The following GRIA4 variants were observed in gnomAD, a reference collection of about 807,000 sequenced individuals.
GRIA4 encodes the protein glutamate receptor 4.
Under a neutral mutation model 104.0 loss-of-function variants are expected in GRIA4, and 34 were observed. The ratio of observed to expected loss-of-function variants is 0.33; its 90% CI spans 0.25 to 0.44. GRIA4 has a LOEUF of 0.44. GRIA4 is among the 20% of genes least tolerant of loss of function. The pLI, the probability that GRIA4 is intolerant of heterozygous loss-of-function variation, is 1.00. For synonymous variants in GRIA4, 386 were observed against 381.9 expected (o/e 1.01, Z -0.13); for missense variants, 750 against 1,096.5 (o/e 0.68, Z 4.46).
chr11:105,966,175 C>G, intron 14 of GRIA4: 1 of 688,798 alleles, frequency 1.5e-6, no homozygotes, highest in Non-Finnish European at 2.5e-6. Flanking sequence ...AGTCCAGTCC[C>G]TTCGCAAACT....
chr11:105,746,443 A>C (rs112121509), intron 3 of GRIA4, among the ~76,000 whole-genome samples: 1,571 of 152,024 alleles, frequency 0.01, 29 homozygotes, highest in African/African-American at 0.036. Context: ...TGCACAGAGT[A>C]TTATGGCAAA....
At chr11:105,633,792 C>T (rs1207130489) in intron 3 of GRIA4, among the ~76,000 whole-genome samples, 1 of 152,118 alleles carries the variant, frequency 6.6e-6, no homozygotes, top group Non-Finnish European at 1.5e-5. Context: ...TAAATGACAA[C>T]CAGTTTACTA....
intron 4 of GRIA4, among the ~76,000 whole-genome samples, chr11:105,792,900 G>A (rs1480901968): frequency 1.1e-5 from 1 of 87,812 alleles, no homozygotes; most frequent in Non-Finnish European, 2.2e-5. Flanking sequence ...GCCAACCAGA[G>A]TTTGTCCAAC....
intron 3 of GRIA4, among the ~76,000 whole-genome samples, chr11:105,683,718 T>C (rs1324813563): frequency 6.6e-6 from 1 of 152,194 alleles, no homozygotes; most frequent in African/African-American, 2.4e-5. Context: ...TAATACTCAA[T>C]ACATTTATTT....
At chr11:105,610,761 G>A in intron 1 of GRIA4, 147 bp from the exon 2 acceptor site, 2 of 496,678 alleles carry the variant, frequency 4.0e-6, no homozygotes, top group South Asian at 2.5e-5. Context: ...CAGGGCTATG[G>A]AGACTGCGGG....
At chr11:105,799,185 A>G (rs1239631057) in intron 4 of GRIA4, among the ~76,000 whole-genome samples, 1 of 152,110 alleles carries the variant, frequency 6.6e-6, no homozygotes, top group Non-Finnish European at 1.5e-5. Context: ...CAAGTATCAA[A>G]TGGTTTTAAG....
At chr11:105,971,879 TA>T in intron 14 of GRIA4, 34 bp from the exon 15 acceptor site, 2 of 1,282,094 alleles carry the variant, frequency 1.6e-6, no homozygotes, top group Non-Finnish European at 2.3e-6. Flanking sequence ...TAAAATAACA[TA>T]TATAATGTTA....
intron 14 of GRIA4, among the ~76,000 whole-genome samples, chr11:105,936,544 A>C (rs954127081): frequency 3.3e-5 from 5 of 152,210 alleles, no homozygotes; most frequent in African/African-American, 1.2e-4. Context: ...AGAAAACAGT[A>C]ATCTGTCCTT....
chr11:105,883,774 T>C (rs1946153172), intron 5 of GRIA4, among the ~76,000 whole-genome samples: 1 of 152,150 alleles, frequency 6.6e-6, no homozygotes, highest in Admixed American at 6.5e-5. Context: ...TGATTTATAA[T>C]CCTTTGGGTA....
chr11:105,974,525 C>T (rs1159354727), intron 16 of GRIA4, 81 bp downstream of exon 16: 8 of 1,613,390 alleles, frequency 5.0e-6, no homozygotes, highest in Middle Eastern at 1.6e-4. Flanking sequence ...AAGGTTACAA[C>T]GTATATGGAA....
chr11:105,955,114 T>C (rs934884037), intron 14 of GRIA4, among the ~76,000 whole-genome samples: 3 of 152,056 alleles, frequency 2.0e-5, no homozygotes, highest in African/African-American at 7.2e-5. Flanking sequence ...CCAAATTATT[T>C]TCTTTTTGGT....
Position 105,936,841 on chromosome 11 carries a change from T to C in GRIA4, c.2294+2872T>C, listed in dbSNP as rs11226879. Among the ~76,000 whole-genome samples, 147 of 152,330 alleles carry C rather than the reference T, an allele frequency of 9.7e-4. 3 individuals are homozygous for C. In the East Asian group the frequency reaches 0.023, roughly 24 times the overall value. On this transcript the variant is annotated intron_variant, in intron 14 of 16. Transcript: ENST00000282499. ...TAGCACCTGTCCTTACAGTAGAGAATGATTTACAGAGCTCTTTACCGTTCA... is the reference window on the plus strand; with the variant it reads ...TAGCACCTGTCCTTACAGTAGAGAACGATTTACAGAGCTCTTTACCGTTCA...
At chr11:105,857,834 G>A (rs920421351) in intron 4 of GRIA4, among the ~76,000 whole-genome samples, 1 of 152,128 alleles carries the variant, frequency 6.6e-6, no homozygotes, top group Non-Finnish European at 1.5e-5. Flanking sequence ...TGGCACAAAT[G>A]TATTCTGCTT....
chr11:105,741,788 T>C (rs922399943), intron 3 of GRIA4, among the ~76,000 whole-genome samples: 5 of 152,152 alleles, frequency 3.3e-5, no homozygotes, highest in Admixed American at 6.6e-5. Context: ...TTAAGATATA[T>C]AACATGATTT....
intron 10 of GRIA4, among the ~76,000 whole-genome samples, chr11:105,915,309 C>T (rs1200190208): frequency 6.6e-6 from 1 of 152,114 alleles, no homozygotes; most frequent in Non-Finnish European, 1.5e-5. Flanking sequence ...TCAACATCTG[C>T]AGTAAGCTGA....
chr11:105,836,824 G>A (rs1944206474), intron 4 of GRIA4, among the ~76,000 whole-genome samples: 1 of 152,232 alleles, frequency 6.6e-6, no homozygotes, highest in Non-Finnish European at 1.5e-5. Context: ...CTATATGTGT[G>A]TATATTTCTT....
chr11:105,907,546 TAG>T (rs555143183), intron 9 of GRIA4, among the ~76,000 whole-genome samples: 2 of 152,150 alleles, frequency 1.3e-5, no homozygotes, highest in Admixed American at 6.5e-5. Context: ...GGAAAACTGA[TAG>T]AGAGTCTCAT....
chr11:105,632,793 A>G (rs1375821078), intron 3 of GRIA4, among the ~76,000 whole-genome samples: 10 of 152,198 alleles, frequency 6.6e-5, no homozygotes, highest in Non-Finnish European at 1.5e-5. Context: ...AATTAAAAAG[A>G]AAGAAAAAAT....
At chr11:105,701,536 C>T (rs1044366702) in intron 3 of GRIA4, among the ~76,000 whole-genome samples, 1 of 151,960 alleles carries the variant, frequency 6.6e-6, no homozygotes, top group East Asian at 1.9e-4. Flanking sequence ...ATCAAGAATG[C>T]AATTCCATTA....
Sources: gnomAD v4.1 joint callset for allele counts (sites outside exome capture counted in the v4.1 genomes callset) on GRCh38, gnomAD v4.1.1 for gene constraint, MANE v1.5 for transcripts, NCBI Gene and HGNC (gene_info 2026-07-23, HGNC 2026-07-21) for gene names.